TG: variants seen among roughly 807,000 people sequenced by gnomAD.
TG encodes the protein thyroglobulin, also known as thyroid hormones.
TG carries 270 observed loss-of-function variants against 324.7 expected under a neutral mutation model. The observed-to-expected ratio is 0.83, with a 90% CI of 0.75 to 0.92. The LOEUF is 0.92. Among genes scored for constraint, TG ranks in the 40% least tolerant of loss-of-function variants. TG has a pLI of 0.00. For synonymous variants in TG, 1,401 were observed against 1,327.0 expected (o/e 1.06, Z -1.21); for missense variants, 3,591 against 3,456.4 (o/e 1.04, Z -0.98).
intron 41 of TG, among the ~76,000 whole-genome samples, chr8:133,075,569 C>T (rs1018977093): frequency 1.8e-4 from 27 of 152,260 alleles, no homozygotes; most frequent in African/African-American, 4.1e-4. Context: ...TGTGGTTATG[C>T]GGGAGAACGT....
At chr8:133,101,742 C>T (rs1184575693) in intron 43 of TG, among the ~76,000 whole-genome samples, 8 of 152,242 alleles carry the variant, frequency 5.3e-5, no homozygotes, top group Admixed American at 1.3e-4. Flanking sequence ...AGGCAAACAA[C>T]TGAAACACCA....
At chr8:132,934,589 T>C (rs1823284608) in intron 24 of TG, among the ~76,000 whole-genome samples, 1 of 152,222 alleles carries the variant, frequency 6.6e-6, no homozygotes, top group Admixed American at 6.5e-5. Flanking sequence ...CGGGAATGTC[T>C]TCTTTCTTTT....
rs1236619432 is a variant in TG at position 132,966,474 on chromosome 8, G to GTT, written c.5549-85_5549-84insTT. 5.6e-6 allele frequency: 8 copies of GTT among 1,421,664 alleles called. No individual in the cohort carries two copies. The African/African-American group carries it at 7.1e-5, about 13-fold the overall frequency. The allele number at this position is 1,421,664 out of a possible 1,614,324, so 88.1% of individuals were successfully genotyped here. On this transcript the variant is annotated intron_variant, in intron 29 of 47. Transcript: ENST00000220616. ...TCTCTCTGTCTCTCTCTCTGTGTGT[G>GTT]TGTGTGTGTGTGTTTCTTTCTTGTG...
intron 41 of TG, among the ~76,000 whole-genome samples, chr8:133,080,710 C>T (rs1195732680): frequency 6.6e-6 from 1 of 152,218 alleles, no homozygotes; most frequent in African/African-American, 2.4e-5. Flanking sequence ...GCCTCCATGC[C>T]CCACTCACCA....
intron 41 of TG, among the ~76,000 whole-genome samples, chr8:133,091,291 C>A (rs577366963): frequency 6.6e-6 from 1 of 152,332 alleles, no homozygotes; most frequent in African/African-American, 2.4e-5. Flanking sequence ...CCCATCCTTC[C>A]CCTCTCCATG....
chr8:133,013,816 A>G, intron 37 of TG, 52 bp downstream of exon 37: 1 of 1,579,440 alleles, frequency 6.3e-7, no homozygotes, highest in East Asian at 2.3e-5. Flanking sequence ...GGGTCTGGGG[A>G]AGGGACTATT....
intron 25 of TG, among the ~76,000 whole-genome samples, chr8:132,936,318 G>C (rs559904642): frequency 1.3e-5 from 2 of 152,138 alleles, no homozygotes; most frequent in Non-Finnish European, 2.9e-5. Context: ...TGCTCCTCCC[G>C]GGCTTTCTGA....
At chr8:133,084,236 GCCTCTGT>G (rs1846170307) in intron 41 of TG, among the ~76,000 whole-genome samples, 2 of 152,300 alleles carry the variant, frequency 1.3e-5, no homozygotes, top group African/African-American at 4.8e-5. Flanking sequence ...AAAAGACTTT[GCCTCTGT>G]CTAGGCAGTC....
rs539732702 is a variant in TG, at chr8:132,929,138, G to T, written c.4762G>T (p.Ala1588Ser). Reference protein sequence around the residue: ...KVIFDANAPVAVRSKVPDSEF... With the variant: ...KVIFDANAPVSVRSKVPDSEF... ...GATCTTCGACGCCAATGCTCCTGTG[G>T]CTGTCAGATCCAAAGTTCCTGATTC... The change falls in exon 23 of 48, where the codon GCT becomes TCT. Residue 1588 changes from alanine to serine, a missense_variant. By Grantham distance (99) the Ala-to-Ser change is moderately conservative (BLOSUM62 1). Transcript: ENST00000220616. The T allele has an allele frequency of 2.4e-5, 38 of 1,614,148 alleles. No individual in the cohort carries two copies. The African/African-American group carries it at 4.8e-4, about 20-fold the overall frequency.
intron 41 of TG, among the ~76,000 whole-genome samples, chr8:133,074,291 A>G (rs548361910): frequency 6.6e-6 from 1 of 152,258 alleles, no homozygotes; most frequent in Admixed American, 6.5e-5. Flanking sequence ...TCACACTCCA[A>G]GTAGCGCTAT....
chr8:132,983,672 G>T, intron 35 of TG: 1 of 564,244 alleles, frequency 1.8e-6, no homozygotes, highest in Non-Finnish European at 3.2e-6. Flanking sequence ...GACCTAAGTC[G>T]CGTTCTCCCA....
At chr8:133,056,211 A>T (rs933087659) in intron 41 of TG, among the ~76,000 whole-genome samples, 1 of 152,226 alleles carries the variant, frequency 6.6e-6, no homozygotes, top group Non-Finnish European at 1.5e-5. Context: ...AAGCAATGTG[A>T]CATCGTGGAT....
intron 40 of TG, among the ~76,000 whole-genome samples, chr8:133,028,024 G>A (rs1022853242): frequency 1.3e-5 from 2 of 152,216 alleles, no homozygotes; most frequent in African/African-American, 4.8e-5. Context: ...CTTGTTTGAT[G>A]AGTGGCCCCT....
intron 8 of TG, among the ~76,000 whole-genome samples, chr8:132,885,131 G>GA (rs555557408): frequency 2.9e-4 from 43 of 146,562 alleles, no homozygotes; most frequent in African/African-American, 1.0e-3. Flanking sequence ...TTAAAAGTTG[G>GA]GGGGGGGGCG....
chr8:132,887,645 G>T, intron 9 of TG, 97 bp downstream of exon 9: 1 of 1,523,192 alleles, frequency 6.6e-7, no homozygotes, highest in Non-Finnish European at 9.1e-7. Flanking sequence ...CCTGGCCAAT[G>T]CTTACACTTC....
At chr8:133,008,277 C>A (rs796302798) in intron 35 of TG, among the ~76,000 whole-genome samples, 6 of 152,180 alleles carry the variant, frequency 3.9e-5, no homozygotes, top group African/African-American at 1.4e-4. Context: ...TGTGGAGAAA[C>A]TTTTACCATT....
intron 23 of TG, among the ~76,000 whole-genome samples, chr8:132,932,369 G>A (rs536142796): frequency 4.6e-5 from 7 of 152,188 alleles, no homozygotes; most frequent in South Asian, 4.2e-4. Flanking sequence ...GCTTTCCCTC[G>A]CCTTTCAGCT....
Position 132,999,318 on chromosome 8 carries a change from A to T in TG, c.6263-12583A>T, listed in dbSNP as rs78057203. On this transcript the variant is annotated intron_variant, in intron 35 of 47. Coordinates refer to ENST00000220616, the MANE Select transcript of TG (RefSeq NM_003235.5). ...TTCATCCTATCAAATAAGAATAATT[A>T]AAAAAAAAAACTAGAATCTATTCTT... 4.0e-4 allele frequency among the ~76,000 whole-genome samples: 27 copies of T among 67,770 alleles called. No individual in the cohort carries two copies. In the South Asian group the frequency reaches 6.7e-3, roughly 17 times the overall value. 44.5% of individuals were successfully genotyped at this position (67,770 alleles called of 152,430 possible).
chr8:132,874,925 C>T (rs183830608), intron 5 of TG, among the ~76,000 whole-genome samples: 12 of 152,268 alleles, frequency 7.9e-5, no homozygotes, highest in African/African-American at 2.9e-4. Flanking sequence ...TGCTCTGTTG[C>T]CACACCACTG....
Sources: allele counts gnomAD v4.1 joint callset (sites outside exome capture counted in the v4.1 genomes callset), GRCh38; gene constraint gnomAD v4.1.1; transcripts MANE v1.5; gene names NCBI Gene and HGNC (gene_info 2026-07-23, HGNC 2026-07-21).